Variants in CRACR2A observed in about 807,000 individuals in gnomAD.
CRACR2A encodes calcium release activated channel regulator 2A.
A neutral mutation model predicts 90.5 loss-of-function variants in CRACR2A; 79 were observed. The observed-to-expected ratio is 0.87, with a 90% CI of 0.73 to 1.05. CRACR2A has a LOEUF of 1.05. Among genes scored for constraint, CRACR2A ranks in the 50% least tolerant of loss-of-function variants. The pLI, the probability that CRACR2A is intolerant of heterozygous loss-of-function variation, is 0.00. For missense variants in CRACR2A, 823 were observed against 897.2 expected (o/e 0.92, Z 1.06); for synonymous variants, 338 against 356.7 (o/e 0.95, Z 0.59).
intron 8 of CRACR2A, among the ~76,000 whole-genome samples, chr12:3,657,858 G>A (rs1944944091): frequency 6.6e-6 from 1 of 152,174 alleles, no homozygotes; most frequent in Non-Finnish European, 1.5e-5. Context: ...TCCTGGGGTT[G>A]GAAGGTGCAA....
intron 2 of CRACR2A, chr12:3,725,994 G>A (rs996895297): frequency 2.0e-5 from 3 of 152,022 alleles, no homozygotes; most frequent in African/African-American, 7.3e-5. Context: ...AGAGACCTTG[G>A]AGATCATTTA....
At chr12:3,712,844 A>G (rs892718011) in intron 3 of CRACR2A, among the ~76,000 whole-genome samples, 45 of 152,126 alleles carry the variant, frequency 3.0e-4, no homozygotes, top group African/African-American at 1.1e-3. Flanking sequence ...GACAGGCTCC[A>G]CAGTGGAACT....
intron 17 of CRACR2A, among the ~76,000 whole-genome samples, chr12:3,621,764 G>A (rs1944146631): frequency 6.6e-6 from 1 of 150,852 alleles, no homozygotes. Flanking sequence ...CTCAGCAGGA[G>A]CTGCGGTTTC....
At chr12:3,692,506 G>A (rs533660268) in intron 4 of CRACR2A, among the ~76,000 whole-genome samples, 3 of 148,070 alleles carry the variant, frequency 2.0e-5, no homozygotes, top group Admixed American at 1.3e-4. Context: ...AGGAATCCAC[G>A]CTGGGGGTGG....
intron 7 of CRACR2A, among the ~76,000 whole-genome samples, chr12:3,667,395 T>G (rs1031450819): frequency 1.8e-4 from 28 of 152,008 alleles, no homozygotes; most frequent in Non-Finnish European, 4.4e-5. Flanking sequence ...AACTGGGGAG[T>G]GAGCACGAAC....
At chr12:3,674,398 G>C (rs902520512) in intron 6 of CRACR2A, among the ~76,000 whole-genome samples, 1 of 152,206 alleles carries the variant, frequency 6.6e-6, no homozygotes, top group Non-Finnish European at 1.5e-5. Flanking sequence ...AGGGGCTCAG[G>C]CTGACACCCA....
intron 7 of CRACR2A, among the ~76,000 whole-genome samples, chr12:3,671,171 G>A (rs242037): frequency 0.22 from 33,195 of 152,094 alleles, 4,152 homozygotes; most frequent in East Asian, 0.47. Flanking sequence ...GGCCAGCAGA[G>A]GAGGTCCTGC....
At chr12:3,671,814 C>T (rs1379192161) in intron 7 of CRACR2A, among the ~76,000 whole-genome samples, 2 of 152,264 alleles carry the variant, frequency 1.3e-5, no homozygotes, top group Non-Finnish European at 2.9e-5. Flanking sequence ...CAGCACTGTT[C>T]CAAATACTTA....
At chr12:3,680,866 T>C (rs373309462) in intron 4 of CRACR2A, among the ~76,000 whole-genome samples, 3 of 152,182 alleles carry the variant, frequency 2.0e-5, no homozygotes, top group African/African-American at 7.2e-5. Context: ...TTGAATGCAA[T>C]CATGAATGTA....
chr12:3,751,114 T>G (rs1189699246), intron 1 of CRACR2A, among the ~76,000 whole-genome samples: 1 of 152,222 alleles, frequency 6.6e-6, no homozygotes, highest in Non-Finnish European at 1.5e-5. Context: ...CTGTATGACC[T>G]TGGATAAACC....
At chr12:3,715,657 T>G (rs1471217365) in intron 2 of CRACR2A, among the ~76,000 whole-genome samples, 1 of 152,144 alleles carries the variant, frequency 6.6e-6, no homozygotes, top group Non-Finnish European at 1.5e-5. Flanking sequence ...CAACAATATG[T>G]AGCTAACAAT....
intron 4 of CRACR2A, among the ~76,000 whole-genome samples, chr12:3,689,784 T>TC (rs1162921010): frequency 6.6e-6 from 1 of 151,730 alleles, no homozygotes; most frequent in African/African-American, 2.4e-5. Context: ...CTTTTCTTTT[T>TC]TTTTTTGGTT....
intron 2 of CRACR2A, chr12:3,726,022 C>T (rs1028983888): frequency 2.0e-5 from 3 of 152,064 alleles, no homozygotes; most frequent in African/African-American, 7.2e-5. Flanking sequence ...GGTGCTCCAC[C>T]CTATCCAATC....
rs116206054 is a variant in CRACR2A at position 3,695,123 on chromosome 12, G to A, written c.228+1649C>T. Among the ~76,000 whole-genome samples the A allele has an allele frequency of 2.7e-3, 417 of 152,328 alleles. 1 individual carries two copies. Among genetic ancestry groups the A allele is most frequent in the African/African-American group, 9.6e-3 (401 of 41,574 alleles). The stretch of plus-strand genomic sequence containing the variant: ...AGGTTATATACAGCAAGAGTGCTGA[G>A]TTGCACAGTACTTGTGGCCCAGAGT... On this transcript the variant is annotated intron_variant, in intron 4 of 19. Coordinates refer to ENST00000440314, the MANE Select transcript of CRACR2A (RefSeq NM_001144958.2).
rs143765068 is a variant in CRACR2A, at chr12:3,748,306, T to G, written c.-387+4709A>C. On this transcript the variant is annotated intron_variant, in intron 1 of 19. Coordinates refer to ENST00000440314, the MANE Select transcript of CRACR2A (RefSeq NM_001144958.2). ...GGAAGCTTGCCTGCTCCTACCTCCA[T>G]GCATCTTCTAGAAACACCTGGAGCA... Among the ~76,000 whole-genome samples the G allele has an allele frequency of 7.3e-3, 1,111 of 152,216 alleles. 18 individuals carry two copies. The highest frequency in any genetic ancestry group is 0.025 in the African/African-American group (1,045 of 41,526).
chr12:3,723,542 ATGCCTAGGGATGCCCCTAGGTG>A (rs1438971792), intron 2 of CRACR2A, among the ~76,000 whole-genome samples: 2 of 151,922 alleles, frequency 1.3e-5, no homozygotes, highest in African/African-American at 2.4e-5. Context: ...GCACAGAGAG[ATGCCTAGGGATGCCCCTAGGTG>A]TCCCTAGGGG....
chr12:3,681,740 G>T (rs1179879412), intron 4 of CRACR2A, among the ~76,000 whole-genome samples: 1 of 152,344 alleles, frequency 6.6e-6, no homozygotes, highest in East Asian at 1.9e-4. Flanking sequence ...AGAGCTGGCA[G>T]GTGTGAAAGC....
chr12:3,670,706 G>C (rs1321661830), intron 7 of CRACR2A, among the ~76,000 whole-genome samples: 2 of 152,192 alleles, frequency 1.3e-5, no homozygotes, highest in Admixed American at 1.3e-4. Flanking sequence ...GAGAGGTAAT[G>C]CAAGTTGCCT....
intron 2 of CRACR2A, among the ~76,000 whole-genome samples, chr12:3,722,482 C>G (rs12580813): frequency 0.14 from 21,294 of 152,124 alleles, 1,659 homozygotes; most frequent in Admixed American, 0.23. Flanking sequence ...CCATGAGAGG[C>G]CGTGGGGACC....
Sources: gnomAD v4.1 joint callset for allele counts (sites outside exome capture counted in the v4.1 genomes callset) on GRCh38, gnomAD v4.1.1 for gene constraint, MANE v1.5 for transcripts, NCBI Gene and HGNC (gene_info 2026-07-23, HGNC 2026-07-21) for gene names.